The following AAK1 variants were observed in gnomAD, a reference collection of about 807,000 sequenced individuals.
The protein encoded by AAK1 is AP2-associated protein kinase 1.
Under a neutral mutation model 116.0 loss-of-function variants are expected in AAK1, and 37 were observed. The ratio of observed to expected loss-of-function variants is 0.32; its 90% CI spans 0.25 to 0.42. The LOEUF is 0.42. Among genes scored for constraint, AAK1 ranks in the 10% least tolerant of loss-of-function variants. AAK1 has a pLI of 1.00. For missense variants in AAK1, 919 were observed against 1,170.6 expected (o/e 0.79, Z 3.14); for synonymous variants, 458 against 439.9 (o/e 1.04, Z -0.51).
At chr2:69,578,085 C>T (rs1370644861) in intron 2 of AAK1, among the ~76,000 whole-genome samples, 1 of 152,140 alleles carries the variant, frequency 6.6e-6, no homozygotes, top group African/African-American at 2.4e-5. Flanking sequence ...GCCACCTCAC[C>T]TCTCAGCTTT....
At chr2:69,531,885 A>G in intron 6 of AAK1, 156 bp downstream of exon 6, 5 of 1,354,762 alleles carry the variant, frequency 3.7e-6, no homozygotes, top group Non-Finnish European at 5.0e-6. Context: ...TTCTTCACTT[A>G]AAGTCAAACA....
rs1238590157 is a variant in AAK1 at position 69,643,673 on chromosome 2, G to C, written c.-333C>G. ...CGCAGAGAAGAGGCGGCGCTGCAGC[G>C]AGAGCCGGGGCCGCGCTCGGCTCCC... On this transcript the variant is annotated 5_prime_UTR_variant, in exon 1 of 22. Coordinates refer to ENST00000409085, the MANE Select transcript of AAK1 (RefSeq NM_014911.5). 1 of 1,224,410 alleles carries C rather than the reference G, an allele frequency of 8.2e-7. No individual in the cohort carries two copies. The highest frequency in any genetic ancestry group is 4.3e-5 in the Admixed American group (1 of 23,412). The allele number at this position is 1,224,410 out of a possible 1,614,324, so 75.8% of individuals were successfully genotyped here.
chr2:69,530,343 G>A (rs1253753554), intron 7 of AAK1, among the ~76,000 whole-genome samples: 1 of 152,102 alleles, frequency 6.6e-6, no homozygotes, highest in East Asian at 1.9e-4. Context: ...ACCAAATCGT[G>A]TTCCAGTAAA....
intron 17 of AAK1, among the ~76,000 whole-genome samples, chr2:69,493,177 A>G (rs1293117904): frequency 1.3e-4 from 20 of 148,588 alleles, no homozygotes; most frequent in African/African-American, 4.7e-4. Flanking sequence ...AAAAAAAAAA[A>G]GGATGCAGTG....
intron 5 of AAK1, among the ~76,000 whole-genome samples, chr2:69,533,241 T>C (rs888275419): frequency 2.6e-5 from 4 of 152,196 alleles, no homozygotes; most frequent in African/African-American, 7.2e-5. Flanking sequence ...CTTGGTCTTC[T>C]CTACCTAGTG....
At chr2:69,579,463 C>T (rs973722472) in intron 2 of AAK1, among the ~76,000 whole-genome samples, 1 of 152,150 alleles carries the variant, frequency 6.6e-6, no homozygotes, top group African/African-American at 2.4e-5. Context: ...CCTAGAGACC[C>T]AACTACTCAG....
intron 3 of AAK1, among the ~76,000 whole-genome samples, chr2:69,552,240 A>G (rs1433010837): frequency 1.3e-5 from 2 of 152,246 alleles, no homozygotes; most frequent in Admixed American, 1.3e-4. Flanking sequence ...GGATAGGTAC[A>G]TAGATTAATG....
intron 2 of AAK1, among the ~76,000 whole-genome samples, chr2:69,619,299 A>G (rs1019055585): frequency 6.6e-6 from 1 of 152,092 alleles, no homozygotes; most frequent in Non-Finnish European, 1.5e-5. Context: ...ACTCCAGAAA[A>G]TTGAGGGTAT....
At chr2:69,633,217 T>TAAAAAA (rs777301368) in intron 2 of AAK1, among the ~76,000 whole-genome samples, 3 of 91,576 alleles carry the variant, frequency 3.3e-5, no homozygotes, top group Admixed American at 2.3e-4. Flanking sequence ...AGACTCTGTT[T>TAAAAAA]CAAAAAAAAA....
At chr2:69,539,064 T>TC (rs2105043603) in intron 5 of AAK1, among the ~76,000 whole-genome samples, 1 of 152,156 alleles carries the variant, frequency 6.6e-6, no homozygotes, top group South Asian at 2.1e-4. Flanking sequence ...TCATTCAACC[T>TC]CACCACCACC....
chr2:69,465,291 A>G lies in AAK1; in HGVS notation c.*10578T>C, dbSNP rs1028982412. 1.5e-5 allele frequency: 12 copies of G among 823,506 alleles called. No homozygotes were observed. The African/African-American group carries it at 1.8e-4, about 12-fold the overall frequency. The allele number at this position is 823,506 out of a possible 1,614,324, so 51.0% of individuals were successfully genotyped here. ...CTGCAACTGAGTTTGTTGACTCAAG[A>G]AATTCTGCTCTGACGCAGGGAATTG... is the stretch of plus-strand genomic sequence containing the variant. On this transcript the variant is annotated 3_prime_UTR_variant, in exon 22 of 22. Coordinates refer to ENST00000409085, the MANE Select transcript of AAK1 (RefSeq NM_014911.5).
At chr2:69,533,496 A>G (rs1016309476) in intron 5 of AAK1, among the ~76,000 whole-genome samples, 2 of 152,216 alleles carry the variant, frequency 1.3e-5, no homozygotes, top group Non-Finnish European at 2.9e-5. Flanking sequence ...TACATTAAGT[A>G]TATTTTATAG....
Position 69,469,557 on chromosome 2 carries a change from T to C in AAK1, c.*6312A>G, listed in dbSNP as rs928778986. On this transcript the variant is annotated 3_prime_UTR_variant, in exon 22 of 22. Coordinates refer to ENST00000409085, the MANE Select transcript of AAK1 (RefSeq NM_014911.5). The stretch of plus-strand genomic sequence containing the variant: ...AACCTAACCACATGCCTTGACCCAG[T>C]TCCTTTGGTAACCAATGGCACGTCA... 6 of 985,312 alleles carry C rather than the reference T, an allele frequency of 6.1e-6. No individual in the cohort carries two copies. The African/African-American group carries it at 8.7e-5, about 14-fold the overall frequency. The allele number at this position is 985,312 out of a possible 1,614,324, so 61.0% of individuals were successfully genotyped here. A position where few individuals can be genotyped will look rare whatever the true frequency, so the allele number is the denominator to read the frequency against.
At chr2:69,584,377 C>T (rs1245086004) in intron 2 of AAK1, among the ~76,000 whole-genome samples, 2 of 152,100 alleles carry the variant, frequency 1.3e-5, no homozygotes, top group South Asian at 2.1e-4. Flanking sequence ...AATTATAATT[C>T]GCTCTTGGGA....
At chr2:69,599,607 T>A (rs1424338485) in intron 2 of AAK1, among the ~76,000 whole-genome samples, 1 of 152,210 alleles carries the variant, frequency 6.6e-6, no homozygotes, top group Admixed American at 6.5e-5. Context: ...TTTCACTGAT[T>A]AGGTTATTAT....
At position 69,476,735 on chromosome 2, in the gene AAK1, T is replaced by C; in HGVS notation, c.2791+145A>G. Reference sequence around the variant, plus strand: ...AGATACCTATCTCTATCTATCTCTATTGGTCCAGCCTACAATGATTCTCAT... The same window carrying C: ...AGATACCTATCTCTATCTATCTCTACTGGTCCAGCCTACAATGATTCTCAT... On this transcript the variant is annotated intron_variant, in intron 21 of 21. Coordinates refer to ENST00000409085, the MANE Select transcript of AAK1 (RefSeq NM_014911.5). 4 of 593,792 alleles carry C rather than the reference T, an allele frequency of 6.7e-6. No homozygotes were observed. In the South Asian group the frequency reaches 8.7e-5, roughly 13 times the overall value. The allele number at this position is 593,792 out of a possible 1,614,324, so 36.8% of individuals were successfully genotyped here.
At chr2:69,561,148 A>G (rs1431230714) in intron 2 of AAK1, among the ~76,000 whole-genome samples, 2 of 152,222 alleles carry the variant, frequency 1.3e-5, no homozygotes, top group Admixed American at 6.5e-5. Flanking sequence ...AAGAAAACAC[A>G]TCTGAAAAGC....
intron 21 of AAK1, among the ~76,000 whole-genome samples, chr2:69,476,560 A>C (rs1171859644): frequency 1.3e-5 from 2 of 152,214 alleles, no homozygotes; most frequent in African/African-American, 4.8e-5. Flanking sequence ...GATTATTCTA[A>C]TCATGATAAA....
intron 2 of AAK1, among the ~76,000 whole-genome samples, chr2:69,623,711 T>G (rs1674770219): frequency 6.6e-6 from 1 of 152,180 alleles, no homozygotes; most frequent in Non-Finnish European, 1.5e-5. Flanking sequence ...TACTCAAAGA[T>G]AAACTTCAGA....
Sources: allele counts gnomAD v4.1 joint callset (sites outside exome capture counted in the v4.1 genomes callset), GRCh38; gene constraint gnomAD v4.1.1; transcripts MANE v1.5; gene names NCBI Gene and HGNC (gene_info 2026-07-23, HGNC 2026-07-21).